The following SLC27A2 variants were observed in gnomAD, a reference collection of about 807,000 sequenced individuals.
The protein encoded by SLC27A2 is long-chain fatty acid transport protein 2.
In SLC27A2, 54 loss-of-function variants were observed where a neutral mutation model predicts 60.0. The ratio of observed to expected loss-of-function variants is 0.90; its 90% CI spans 0.72 to 1.13. SLC27A2 has a LOEUF of 1.13. Among genes scored for constraint, SLC27A2 ranks in the 50% most tolerant of loss-of-function variants. The pLI, the probability that SLC27A2 is intolerant of heterozygous loss-of-function variation, is 0.00. For missense variants in SLC27A2, 739 were observed against 777.6 expected (o/e 0.95, Z 0.59); for synonymous variants, 297 against 297.6 (o/e 1.00, Z 0.02).
At chr15:50,194,659 AT>A (rs2044999983) in intron 1 of SLC27A2, among the ~76,000 whole-genome samples, 1 of 152,198 alleles carries the variant, frequency 6.6e-6, no homozygotes, top group Non-Finnish European at 1.5e-5. Context: ...TATAGCAATA[AT>A]CTAGGTAGGA....
intron 4 of SLC27A2, among the ~76,000 whole-genome samples, chr15:50,209,219 A>G (rs140596945): frequency 3.3e-4 from 51 of 152,314 alleles, no homozygotes; most frequent in Non-Finnish European, 6.2e-4. Flanking sequence ...CCAGAATTAG[A>G]TAACCTCTGT....
chr15:50,203,178 A>G (rs2045079757), intron 3 of SLC27A2, among the ~76,000 whole-genome samples: 1 of 151,922 alleles, frequency 6.6e-6, no homozygotes, highest in South Asian at 2.1e-4. Context: ...ACAGAGTGAG[A>G]CCTTGACTGT....
chr15:50,229,521 C>G (rs890561313), intron 8 of SLC27A2, among the ~76,000 whole-genome samples: 1 of 152,154 alleles, frequency 6.6e-6, no homozygotes, highest in African/African-American at 2.4e-5. Flanking sequence ...ACGTTGTCAC[C>G]GCAGCTTCAT....
chr15:50,186,684 G>T (rs2044926857), intron 1 of SLC27A2, among the ~76,000 whole-genome samples: 2 of 152,172 alleles, frequency 1.3e-5, no homozygotes, highest in Non-Finnish European at 2.9e-5. Context: ...TGATCCACCT[G>T]CCTCGTCCTC....
chr15:50,226,107 G>A (rs202245013), intron 6 of SLC27A2, 29 bp downstream of exon 6: 362 of 1,359,150 alleles, frequency 2.7e-4, no homozygotes, highest in Non-Finnish European at 3.6e-4. Flanking sequence ...CAATCAACCT[G>A]TGCCCCTTCT....
At chr15:50,184,104 G>T (rs571610640) in intron 1 of SLC27A2, among the ~76,000 whole-genome samples, 3 of 146,290 alleles carry the variant, frequency 2.1e-5, no homozygotes, top group African/African-American at 7.6e-5. Context: ...GATCCTCCCA[G>T]CTCAGCCTCT....
chr15:50,213,402 C>G (rs150662254), intron 4 of SLC27A2, among the ~76,000 whole-genome samples: 1,746 of 152,238 alleles, frequency 0.011, 42 homozygotes, highest in African/African-American at 0.04. Context: ...GTCATCAAGA[C>G]AGAAAGTCAA....
chr15:50,183,485 C>A (rs2044888995), intron 1 of SLC27A2, among the ~76,000 whole-genome samples: 1 of 152,132 alleles, frequency 6.6e-6, no homozygotes, highest in Admixed American at 6.5e-5. Flanking sequence ...AAAGGTGACC[C>A]CACCTGATCC....
intron 5 of SLC27A2, among the ~76,000 whole-genome samples, chr15:50,224,150 G>C (rs2045263236): frequency 6.6e-6 from 1 of 152,194 alleles, no homozygotes; most frequent in African/African-American, 2.4e-5. Flanking sequence ...ATTGTTGAAA[G>C]GATTAAACAG....
At chr15:50,232,826 CT>C (rs1158359952) in intron 8 of SLC27A2, among the ~76,000 whole-genome samples, 1 of 152,278 alleles carries the variant, frequency 6.6e-6, no homozygotes, top group African/African-American at 2.4e-5. Flanking sequence ...GAGGGGGCAT[CT>C]TTTTTTCCTT....
chr15:50,183,505 A>C (rs1235457565), intron 1 of SLC27A2, among the ~76,000 whole-genome samples: 2 of 152,126 alleles, frequency 1.3e-5, no homozygotes, highest in Non-Finnish European at 1.5e-5. Context: ...CCCAGGGAGA[A>C]GATACTGGGG....
chr15:50,219,167 T>C (rs537309408), intron 4 of SLC27A2, among the ~76,000 whole-genome samples: 4 of 152,202 alleles, frequency 2.6e-5, no homozygotes, highest in Non-Finnish European at 4.4e-5. Flanking sequence ...AACTGAATCC[T>C]CATCTACCAC....
In SLC27A2 at chr15:50,233,971, T is replaced by G; in HGVS notation, c.1659T>G (p.Tyr553Ter). The G allele has an allele frequency of 6.2e-7, 1 of 1,613,078 alleles. No individual in the cohort carries two copies. The highest frequency in any genetic ancestry group is 1.1e-5 in the South Asian group (1 of 90,982). The change falls in exon 9 of 10, where the codon TAT becomes TAG. Residue 553 changes from tyrosine (Y) to a stop codon, truncating the protein, a stop_gained. Coordinates refer to ENST00000267842, the MANE Select transcript of SLC27A2 (RefSeq NM_003645.4). LOFTEE classifies it high-confidence loss of function. ...ACATTGCTGATTACCTACCTAGTTA[T>G]GCAAGGCCCCGGTTTCTAAGAATAC... ...FQHIADYLPS[Y>*]ARPRFLRIQD...
rs2044940190 is a variant in SLC27A2, at chr15:50,188,054, A to C, written c.478+5149A>C. 2.0e-5 allele frequency among the ~76,000 whole-genome samples: 3 copies of C among 152,134 alleles called. No homozygotes were observed. In the South Asian group the frequency reaches 6.2e-4, roughly 32 times the overall value. Reference sequence around the variant, plus strand: ...CATGATGGGATGGAGAAATAAGATGAATTAGTTCAAGGATCTTACAGTCCA... The same window carrying C: ...CATGATGGGATGGAGAAATAAGATGCATTAGTTCAAGGATCTTACAGTCCA... On this transcript the variant is annotated intron_variant, in intron 1 of 9. Transcript: ENST00000267842.
At chr15:50,218,695 T>C (rs1305427456) in intron 4 of SLC27A2, among the ~76,000 whole-genome samples, 2 of 151,332 alleles carry the variant, frequency 1.3e-5, no homozygotes, top group African/African-American at 2.4e-5. Flanking sequence ...CACAAAAAAA[T>C]AGTAAAAATA....
intron 8 of SLC27A2, among the ~76,000 whole-genome samples, chr15:50,229,734 GGTT>G (rs2045303861): frequency 6.6e-6 from 1 of 152,054 alleles, no homozygotes; most frequent in South Asian, 2.1e-4. Context: ...TATATATAAG[GGTT>G]GTTGTGACAA....
chr15:50,186,795 T>C (rs2140893951), intron 1 of SLC27A2, among the ~76,000 whole-genome samples: 2 of 152,354 alleles, frequency 1.3e-5, no homozygotes, highest in Middle Eastern at 6.8e-3. Flanking sequence ...GAATTGCCCA[T>C]GATCAAGTGG....
At chr15:50,203,023 ATAT>A (rs1567430531) in intron 3 of SLC27A2, among the ~76,000 whole-genome samples, 1 of 134,812 alleles carries the variant, frequency 7.4e-6, no homozygotes, top group East Asian at 2.1e-4. Flanking sequence ...TAAAAAAAAT[ATAT>A]ATATATATAT....
At chr15:50,189,757 C>T (rs532879287) in intron 1 of SLC27A2, among the ~76,000 whole-genome samples, 47 of 152,236 alleles carry the variant, frequency 3.1e-4, no homozygotes, top group Admixed American at 2.2e-3. Context: ...AGGACCTTCC[C>T]ACAGCCTCTG....
Sources: gnomAD v4.1 joint callset for allele counts (sites outside exome capture counted in the v4.1 genomes callset) on GRCh38, gnomAD v4.1.1 for gene constraint, MANE v1.5 for transcripts, NCBI Gene and HGNC (gene_info 2026-07-23, HGNC 2026-07-21) for gene names.